The following PPP6R2 variants were observed in gnomAD, a reference collection of about 807,000 sequenced individuals.
PPP6R2 encodes serine/threonine-protein phosphatase 6 regulatory subunit 2.
Under a neutral mutation model 100.2 loss-of-function variants are expected in PPP6R2, and 62 were observed. The ratio of observed to expected loss-of-function variants is 0.62; its 90% CI spans 0.50 to 0.76. PPP6R2 has a LOEUF of 0.76. Among genes scored for constraint, PPP6R2 ranks in the 30% least tolerant of loss-of-function variants. The pLI, the probability that PPP6R2 is intolerant of heterozygous loss-of-function variation, is 0.00. For synonymous variants in PPP6R2, 525 were observed against 514.7 expected (o/e 1.02, Z -0.27); for missense variants, 1,142 against 1,276.3 (o/e 0.89, Z 1.60).
intron 10 of PPP6R2, among the ~76,000 whole-genome samples, chr22:50,428,707 A>G (rs12484396): frequency 0.14 from 21,575 of 151,856 alleles, 1,800 homozygotes; most frequent in East Asian, 0.42. Flanking sequence ...CAACAGAGCA[A>G]GATCCTTGCT....
the PPP6R2 span, among the ~76,000 whole-genome samples, chr22:50,330,790 A>G: frequency 6.6e-6 from 1 of 152,030 alleles, no homozygotes; most frequent in Non-Finnish European, 1.5e-5. Context: ...AGAGAAGTCA[A>G]TGTGGTGCTG....
intron 2 of PPP6R2, chr22:50,393,331 A>G: frequency 1.1e-6 from 1 of 946,076 alleles, no homozygotes; most frequent in Non-Finnish European, 1.3e-6. Flanking sequence ...GAGTGAGCGC[A>G]GGGTCAGGCA....
In PPP6R2 at chr22:50,438,283, T is replaced by A; in HGVS notation, c.1949T>A (p.Val650Glu). The A allele has an allele frequency of 6.2e-7, 1 of 1,612,896 alleles. No individual in the cohort carries two copies. The highest frequency in any genetic ancestry group is 8.5e-7 in the Non-Finnish European group (1 of 1,179,542). Residue 650 changes from valine to glutamate, a missense_variant, in exon 18 of 24, where the codon GTG (valine) becomes GAG (glutamate). Coordinates refer to ENST00000612753, the MANE Select transcript of PPP6R2 (RefSeq NM_001242898.2). ...EDSDTRCAAR[V>E]MARPRFGAPH... ...AGTGACACTCGCTGTGCTGCCCGGGTGATGGCCAGACCCAGGTGCGGGGCC... is the reference window on the plus strand; with the variant it reads ...AGTGACACTCGCTGTGCTGCCCGGGAGATGGCCAGACCCAGGTGCGGGGCC...
intron 3 of PPP6R2, among the ~76,000 whole-genome samples, chr22:50,398,515 C>CTT (rs539664240): frequency 8.9e-5 from 11 of 123,982 alleles, no homozygotes; most frequent in African/African-American, 1.2e-4. Flanking sequence ...CATATTAAGA[C>CTT]TTTTTTTTTT....
intron 3 of PPP6R2, among the ~76,000 whole-genome samples, chr22:50,398,957 T>C (rs1330853721): frequency 2.6e-5 from 4 of 152,044 alleles, no homozygotes; most frequent in Non-Finnish European, 4.4e-5. Context: ...TTTTGAGAAA[T>C]AGAATAGGGG....
At chr22:50,377,095 G>A (rs1345996179) in intron 2 of PPP6R2, among the ~76,000 whole-genome samples, 4 of 151,824 alleles carry the variant, frequency 2.6e-5, no homozygotes, top group Non-Finnish European at 4.4e-5. Context: ...ACAGTAAAAG[G>A]TGATATAGAA....
upstream of PPP6R2, chr22:50,343,222 G>C (rs1339334667): frequency 6.6e-6 from 1 of 151,062 alleles, no homozygotes; most frequent in African/African-American, 2.4e-5. Flanking sequence ...CCGGAGAGCC[G>C]GCCCAGGTCC....
chr22:50,372,887 C>T (rs2050578098), intron 2 of PPP6R2, among the ~76,000 whole-genome samples: 1 of 151,976 alleles, frequency 6.6e-6, no homozygotes, highest in African/African-American at 2.4e-5. Context: ...CGGGGTTTCA[C>T]CATATTGACC....
At chr22:50,332,455 C>T in the PPP6R2 span, among the ~76,000 whole-genome samples, 4 of 151,924 alleles carry the variant, frequency 2.6e-5, no homozygotes, top group Admixed American at 1.3e-4. Context: ...TGGTCTTGAT[C>T]TCCTGACCTC....
At position 50,437,755 on chromosome 22, in the gene PPP6R2, C is replaced by T. The variant is rs1311994038; in HGVS notation, c.1782-88C>T. On this transcript the variant is annotated intron_variant, in intron 16 of 23. Coordinates refer to ENST00000612753, the MANE Select transcript of PPP6R2 (RefSeq NM_001242898.2). ...CCAGTTGTGTGAGGGTGCTGAGGCC[C>T]CCGATGAGCACCGGGGGAGGAGCAC... 11 of 1,475,248 alleles carry T rather than the reference C, an allele frequency of 7.5e-6. No individual in the cohort carries two copies. The South Asian group carries it at 8.4e-5, about 11-fold the overall frequency. The allele number at this position is 1,475,248 out of a possible 1,614,324, so 91.4% of individuals were successfully genotyped here. A position where few individuals can be genotyped will look rare whatever the true frequency, so the allele number is the denominator to read the frequency against.
intron 1 of PPP6R2, among the ~76,000 whole-genome samples, chr22:50,358,676 C>A (rs1456505940): frequency 6.6e-6 from 1 of 152,160 alleles, no homozygotes; most frequent in Non-Finnish European, 1.5e-5. Flanking sequence ...TCCTTTCCCT[C>A]CTTCTCTAAG....
Position 50,444,463 on chromosome 22 carries a change from AGAG to A in PPP6R2, c.*218_*220del. ...GGTCACTCGTGCCCTGCTGGAGGAC[AGAG>A]GGGCACCTCAGCCGCCCCCAAGCCC... On this transcript the variant is annotated 3_prime_UTR_variant, in exon 24 of 24. Coordinates refer to ENST00000612753, the MANE Select transcript of PPP6R2 (RefSeq NM_001242898.2). The A allele has an allele frequency of 2.2e-6, 1 of 446,724 alleles. No homozygotes were observed. Among genetic ancestry groups the A allele is most frequent in the Non-Finnish European group, 3.8e-6 (1 of 264,026 alleles). The allele number at this position is 446,724 out of a possible 1,614,324, so 27.7% of individuals were successfully genotyped here.
At chr22:50,401,474 T>TG (rs34136666) in intron 3 of PPP6R2, among the ~76,000 whole-genome samples, 115,539 of 149,904 alleles carry the variant, frequency 0.77, 44,987 homozygotes, top group African/African-American at 0.88. Context: ...CCCAAAGTGC[T>TG]GGATTACAGG....
chr22:50,410,106 G>A (rs1282363131), intron 4 of PPP6R2, among the ~76,000 whole-genome samples: 1 of 151,464 alleles, frequency 6.6e-6, no homozygotes, highest in Non-Finnish European at 1.5e-5. Context: ...TTTAGAATAA[G>A]CAAATTTTAG....
chr22:50,436,365 A>G lies in PPP6R2; in HGVS notation c.1517-2A>G. 6.4e-7 allele frequency: 1 copy of G among 1,569,900 alleles called. No homozygotes were observed. The highest frequency in any genetic ancestry group is 8.6e-7 in the Non-Finnish European group (1 of 1,157,986). ...GCTCACCAGGCAGCACTTCCCTTGCAGGGCTCCCTGCGGACTGCCGTGGCC... is the reference window on the plus strand; with the variant it reads ...GCTCACCAGGCAGCACTTCCCTTGCGGGGCTCCCTGCGGACTGCCGTGGCC... On this transcript the variant is annotated splice_acceptor_variant, in intron 13 of 23. Transcript: ENST00000612753. LOFTEE classifies it high-confidence loss of function.
the PPP6R2 span, among the ~76,000 whole-genome samples, chr22:50,335,153 G>T: frequency 3.3e-5 from 5 of 149,968 alleles, no homozygotes; most frequent in African/African-American, 1.2e-4. Flanking sequence ...CCAGGTTCAA[G>T]CGATTCTGCT....
intron 2 of PPP6R2, among the ~76,000 whole-genome samples, chr22:50,388,529 C>A (rs1010319241): frequency 6.6e-6 from 1 of 152,066 alleles, no homozygotes; most frequent in African/African-American, 2.4e-5. Flanking sequence ...CAGGTCTCTG[C>A]ACTCCAGTCT....
rs907710699 is a variant in PPP6R2 at position 50,414,549 on chromosome 22, C to T, written c.415-3C>T. The T allele has an allele frequency of 8.7e-6, 14 of 1,613,968 alleles. No individual in the cohort carries two copies. The highest frequency in any genetic ancestry group is 1.7e-4 in the Middle Eastern group (1 of 6,060). On this transcript the variant is annotated splice_region_variant and splice_polypyrimidine_tract_variant and intron_variant, in intron 4 of 23. Transcript: ENST00000612753. ...CCTGCCTCTCAGGTGTGTGTGATTT[C>T]AGGTGATTACGTTTTTGAAGAAGAA...
At chr22:50,428,193 T>C (rs1390517146) in intron 10 of PPP6R2, among the ~76,000 whole-genome samples, 1 of 152,244 alleles carries the variant, frequency 6.6e-6, no homozygotes, top group Non-Finnish European at 1.5e-5. Flanking sequence ...CTTGTAGCAG[T>C]GTTTTGTAGT....
Sources: gnomAD v4.1 joint callset for allele counts (sites outside exome capture counted in the v4.1 genomes callset) on GRCh38, gnomAD v4.1.1 for gene constraint, MANE v1.5 for transcripts, NCBI Gene and HGNC (gene_info 2026-07-23, HGNC 2026-07-21) for gene names.